The following CLASP2 variants were observed in gnomAD, a reference collection of about 807,000 sequenced individuals.
CLASP2 encodes cytoplasmic linker associated protein 2, also known as CLIP-associating protein 2.
Under a neutral mutation model 194.4 loss-of-function variants are expected in CLASP2, and 47 were observed. That is an observed-to-expected ratio of 0.24 (90% confidence interval 0.19 to 0.31). The LOEUF is 0.31. CLASP2 is among the 10% of genes least tolerant of loss of function. CLASP2 has a pLI of 1.00. For synonymous variants in CLASP2, 619 were observed against 633.5 expected (o/e 0.98, Z 0.34); for missense variants, 1,445 against 1,823.6 (o/e 0.79, Z 3.78).
intron 16 of CLASP2, 71 bp from the exon 17 acceptor site, chr3:33,604,280 CTACTGAATTTTGTGGAA>C: frequency 2.1e-6 from 2 of 971,230 alleles, no homozygotes; most frequent in Non-Finnish European, 3.1e-6. Flanking sequence ...CAATAAAATA[CTACTGAATTTTGTGGAA>C]AGTTGAGAAG....
Position 33,709,121 on chromosome 3 carries a change from G to A in CLASP2, c.195+8687C>T, listed in dbSNP as rs185596238. Among the ~76,000 whole-genome samples the A allele has an allele frequency of 3.5e-4, 53 of 152,242 alleles. No individual in the cohort carries two copies. In the Middle Eastern group the frequency reaches 0.02, roughly 59 times the overall value. ...CTTTGTAGTCTGATGTAGTTCCACT[G>A]TTTATTTTTGCTTTTGTTGCCTGTA... On this transcript the variant is annotated intron_variant, in intron 1 of 38. Coordinates refer to ENST00000682230, the MANE Select transcript of CLASP2 (RefSeq NM_001365631.1).
chr3:33,522,796 C>T (rs559109215), intron 34 of CLASP2, among the ~76,000 whole-genome samples: 28 of 152,270 alleles, frequency 1.8e-4, no homozygotes, highest in African/African-American at 4.1e-4. Flanking sequence ...AGTGGCCGGG[C>T]GCAGTGGCTC....
At chr3:33,692,127 C>T (rs2091419810) in intron 2 of CLASP2, among the ~76,000 whole-genome samples, 1 of 152,014 alleles carries the variant, frequency 6.6e-6, no homozygotes, top group South Asian at 2.1e-4. Context: ...TAAGATCACA[C>T]CACTGCACTC....
At chr3:33,573,798 T>G (rs1344028809) in intron 24 of CLASP2, among the ~76,000 whole-genome samples, 2 of 152,024 alleles carry the variant, frequency 1.3e-5, no homozygotes, top group African/African-American at 4.8e-5. Context: ...TCCATTTTTT[T>G]CTGTCTATCT....
chr3:33,604,106 G>T, intron 17 of CLASP2, 48 bp downstream of exon 17: 1 of 1,377,698 alleles, frequency 7.3e-7, no homozygotes, highest in Non-Finnish European at 1.0e-6. Context: ...GAAGGCTACT[G>T]TTTCAAAGAT....
chr3:33,597,268 T>TA lies in CLASP2; in HGVS notation c.1925-535dup, dbSNP rs150552887. On this transcript the variant is annotated intron_variant, in intron 18 of 38. Transcript: ENST00000682230. Reference sequence around the variant, plus strand: ...CTATTCTATTACTTGAGATGTCCCATAGAGAAAATTACACAACCATGAAGT... The same window carrying TA: ...CTATTCTATTACTTGAGATGTCCCATAAGAGAAAATTACACAACCATGAAGT... Among the ~76,000 whole-genome samples, 1,269 of 152,258 alleles carry TA rather than the reference T, an allele frequency of 8.3e-3. 19 individuals carry two copies. The highest frequency in any genetic ancestry group is 0.028 in the African/African-American group (1,147 of 41,532).
chr3:33,642,400 G>C (rs935001496), intron 8 of CLASP2, among the ~76,000 whole-genome samples: 1 of 151,804 alleles, frequency 6.6e-6, no homozygotes, highest in African/African-American at 2.4e-5. Context: ...ACAATGAATA[G>C]TGCCACTTTT....
chr3:33,540,109 T>C (rs1371021497), intron 32 of CLASP2, among the ~76,000 whole-genome samples: 1 of 151,956 alleles, frequency 6.6e-6, no homozygotes, highest in Admixed American at 6.6e-5. Flanking sequence ...TTTGTATTTT[T>C]AGTAGAGATG....
intron 19 of CLASP2, among the ~76,000 whole-genome samples, chr3:33,595,293 T>C (rs537471320): frequency 6.6e-6 from 1 of 152,210 alleles, no homozygotes; most frequent in East Asian, 1.9e-4. Context: ...AAAATGTAAC[T>C]CTGTAATTAC....
intron 34 of CLASP2, among the ~76,000 whole-genome samples, chr3:33,529,334 T>C (rs535327484): frequency 1.3e-5 from 2 of 152,258 alleles, no homozygotes; most frequent in East Asian, 3.9e-4. Flanking sequence ...TTAAAATTCA[T>C]ATGGAACCAA....
At chr3:33,545,693 T>G (rs575396318) in intron 30 of CLASP2, among the ~76,000 whole-genome samples, 2 of 152,144 alleles carry the variant, frequency 1.3e-5, no homozygotes, top group South Asian at 4.2e-4. Flanking sequence ...GTGGATCACT[T>G]GAGGTCAGGA....
chr3:33,573,068 G>A (rs750603686), intron 25 of CLASP2, 42 bp downstream of exon 25: 21 of 1,608,564 alleles, frequency 1.3e-5, no homozygotes, highest in Non-Finnish European at 1.6e-5. Context: ...ATCAAAAAGC[G>A]CTAACCTGAT....
intron 34 of CLASP2, among the ~76,000 whole-genome samples, chr3:33,528,816 AAGAG>A (rs1219572558): frequency 2.6e-5 from 4 of 152,032 alleles, no homozygotes; most frequent in African/African-American, 4.8e-5. Flanking sequence ...GGAAGAAAGA[AAGAG>A]AGAAAGAAAG....
At chr3:33,686,631 T>C (rs2090713141) in intron 5 of CLASP2, among the ~76,000 whole-genome samples, 1 of 152,108 alleles carries the variant, frequency 6.6e-6, no homozygotes, top group African/African-American at 2.4e-5. Flanking sequence ...GATAAAAAAG[T>C]TTCTAATAAC....
intron 30 of CLASP2, among the ~76,000 whole-genome samples, chr3:33,547,108 C>G (rs995873972): frequency 6.6e-6 from 1 of 152,198 alleles, no homozygotes; most frequent in Non-Finnish European, 1.5e-5. Context: ...ATAAATCCCT[C>G]TTGGTCATTG....
chr3:33,694,615 G>A (rs562409715), intron 2 of CLASP2, among the ~76,000 whole-genome samples: 4 of 152,130 alleles, frequency 2.6e-5, no homozygotes, highest in African/African-American at 4.8e-5. Context: ...GAGGATTTTG[G>A]GGGTGGAGGA....
intron 29 of CLASP2, among the ~76,000 whole-genome samples, chr3:33,555,701 C>G (rs2154170573): frequency 6.6e-6 from 1 of 152,270 alleles, no homozygotes; most frequent in Admixed American, 6.5e-5. Flanking sequence ...ATGTCATCCT[C>G]TCTCAGTGTG....
chr3:33,702,162 G>A (rs530238711), intron 1 of CLASP2, among the ~76,000 whole-genome samples: 5 of 152,182 alleles, frequency 3.3e-5, no homozygotes, highest in African/African-American at 9.6e-5. Flanking sequence ...AAAATTCAAG[G>A]GGCCCAGAAT....
At chr3:33,706,181 A>C (rs1427673214) in intron 1 of CLASP2, among the ~76,000 whole-genome samples, 1 of 152,088 alleles carries the variant, frequency 6.6e-6, no homozygotes, top group Non-Finnish European at 1.5e-5. Flanking sequence ...CCGGGACGTC[A>C]AGTCTGCAGT....
Sources: gnomAD v4.1 joint callset for allele counts (sites outside exome capture counted in the v4.1 genomes callset) on GRCh38, gnomAD v4.1.1 for gene constraint, MANE v1.5 for transcripts, NCBI Gene and HGNC (gene_info 2026-07-23, HGNC 2026-07-21) for gene names.